The following ADAM29 variants were observed in gnomAD, a reference collection of about 807,000 sequenced individuals.
The protein encoded by ADAM29 is disintegrin and metalloproteinase domain-containing protein 29.
For synonymous variants in ADAM29, 367 were observed against 342.3 expected (o/e 1.07, Z -0.80); for missense variants, 969 against 1,001.8 (o/e 0.97, Z 0.44).
chr4:174,966,001 G>A (rs905030172), intron 4 of ADAM29, among the ~76,000 whole-genome samples: 5 of 152,104 alleles, frequency 3.3e-5, no homozygotes, highest in African/African-American at 7.2e-5. Flanking sequence ...AGGACCTCTC[G>A]CAGATACCAA....
chr4:174,955,355 A>G (rs1745441778), intron 4 of ADAM29, among the ~76,000 whole-genome samples: 1 of 152,076 alleles, frequency 6.6e-6, no homozygotes, highest in African/African-American at 2.4e-5. Flanking sequence ...AGAAGACATG[A>G]ATTAACAAAA....
chr4:174,941,561 C>A (rs1744536422), intron 4 of ADAM29, among the ~76,000 whole-genome samples: 1 of 152,066 alleles, frequency 6.6e-6, no homozygotes. Context: ...CAGTGCCACA[C>A]TTTTAACCAT....
rs1263427827 is a variant in ADAM29 at position 174,976,926 on chromosome 4, G to A, written c.1401G>A (p.Trp467Ter). ...TCAATGAATGTGATCTTCCAGAGTG[G>A]TGCAATGGTACTTCCCATAAGTGCC... is the stretch of plus-strand genomic sequence containing the variant. ...KEVNECDLPE[W>*]CNGTSHKCPD... The change falls in exon 5 of 5, where the codon TGG becomes TGA. Residue 467 changes from tryptophan (W) to a stop codon, truncating the protein, a stop_gained. Transcript: ENST00000359240. LOFTEE classifies it low-confidence loss of function (END_TRUNC). 1 of 1,614,010 alleles carries A rather than the reference G, an allele frequency of 6.2e-7. No individual in the cohort carries two copies. The highest frequency in any genetic ancestry group is 1.3e-5 in the African/African-American group (1 of 74,908).
chr4:174,961,427 A>G (rs1200883597), intron 4 of ADAM29, among the ~76,000 whole-genome samples: 1 of 151,916 alleles, frequency 6.6e-6, no homozygotes, highest in Non-Finnish European at 1.5e-5. Context: ...ATTATAAGGA[A>G]GTAAGAAGTA....
At chr4:174,953,217 C>T (rs1006068882) in intron 4 of ADAM29, among the ~76,000 whole-genome samples, 29 of 152,078 alleles carry the variant, frequency 1.9e-4, no homozygotes, top group Admixed American at 4.6e-4. Context: ...ACCCAGGAGG[C>T]GGAGCTTGCA....
chr4:174,965,136 G>C (rs1746072922), intron 4 of ADAM29, among the ~76,000 whole-genome samples: 1 of 152,098 alleles, frequency 6.6e-6, no homozygotes, highest in African/African-American at 2.4e-5. Flanking sequence ...AAAGAAAAGA[G>C]GTTTATTTGG....
At chr4:174,951,208 C>G (rs2111017742) in intron 4 of ADAM29, among the ~76,000 whole-genome samples, 1 of 152,310 alleles carries the variant, frequency 6.6e-6, no homozygotes, top group East Asian at 1.9e-4. Context: ...TGGCCAATGT[C>G]TCCACTCAAG....
rs1743119037 is a variant in ADAM29 at position 174,920,781 on chromosome 4, A to G, written c.-462A>G. ...ATTTCGAAAAGCTTCAGAGAAAATA[A>G]AGATGCTTAATGTAAGTATCTTTGC... is the stretch of plus-strand genomic sequence containing the variant. On this transcript the variant is annotated 5_prime_UTR_variant, in exon 2 of 5. It removes the in-frame stop codon of an upstream open reading frame in the 5' UTR. Coordinates refer to ENST00000359240, the MANE Select transcript of ADAM29 (RefSeq NM_014269.4). 2 of 152,178 alleles carry G rather than the reference A, an allele frequency of 1.3e-5. No homozygotes were observed. Among genetic ancestry groups the G allele is most frequent in the Admixed American group, 1.3e-4 (2 of 15,258 alleles). 9.4% of individuals were successfully genotyped at this position (152,178 alleles called of 1,614,324 possible).
chr4:174,974,711 T>C (rs1451099699), intron 4 of ADAM29, among the ~76,000 whole-genome samples: 1 of 152,194 alleles, frequency 6.6e-6, no homozygotes, highest in Non-Finnish European at 1.5e-5. Flanking sequence ...AACCAGGCAT[T>C]ATATGAGACA....
At chr4:174,922,153 G>T (rs1743198378) in intron 2 of ADAM29, among the ~76,000 whole-genome samples, 1 of 152,148 alleles carries the variant, frequency 6.6e-6, no homozygotes, top group Non-Finnish European at 1.5e-5. Flanking sequence ...ATAAAGGTCT[G>T]TCACCAGGAA....
At chr4:174,973,482 ATTG>A (rs1746582961) in intron 4 of ADAM29, among the ~76,000 whole-genome samples, 1 of 152,088 alleles carries the variant, frequency 6.6e-6, no homozygotes, top group South Asian at 2.1e-4. Context: ...ATTTGTTCAA[ATTG>A]TTGTTGAAAT....
chr4:174,955,704 A>C (rs2111037046), intron 4 of ADAM29, among the ~76,000 whole-genome samples: 1 of 152,142 alleles, frequency 6.6e-6, no homozygotes, highest in Non-Finnish European at 1.5e-5. Flanking sequence ...ACTTTTTGAA[A>C]AAAGATCAAA....
chr4:174,927,923 G>A (rs1204023087), intron 2 of ADAM29, among the ~76,000 whole-genome samples: 16 of 152,156 alleles, frequency 1.1e-4, no homozygotes, highest in Non-Finnish European at 2.9e-5. Context: ...TGATCCAAGG[G>A]AGACTTAATC....
At chr4:174,918,588 C>G (rs967600996) in intron 1 of ADAM29, 117 bp downstream of exon 1, 3 of 152,016 alleles carry the variant, frequency 2.0e-5, no homozygotes, top group Non-Finnish European at 2.9e-5. Flanking sequence ...TTAGGCTGAA[C>G]CTATCAGTTT....
At chr4:174,936,295 T>C (rs1744195600) in intron 3 of ADAM29, among the ~76,000 whole-genome samples, 1 of 152,006 alleles carries the variant, frequency 6.6e-6, no homozygotes, top group Admixed American at 6.6e-5. Context: ...TTCTTTACCA[T>C]GTAGAACAAA....
intron 4 of ADAM29, among the ~76,000 whole-genome samples, chr4:174,972,712 C>T (rs1234037625): frequency 6.6e-6 from 1 of 152,146 alleles, no homozygotes; most frequent in Admixed American, 6.5e-5. Context: ...TATTTTCTTC[C>T]CTGGTGGCTA....
intron 4 of ADAM29, among the ~76,000 whole-genome samples, chr4:174,960,807 C>A (rs1461826130): frequency 1.3e-5 from 2 of 152,108 alleles, no homozygotes; most frequent in African/African-American, 4.8e-5. Context: ...CCAGGCCAAA[C>A]CAAAATGGTG....
In ADAM29 at chr4:174,953,704, C is replaced by CT. The variant is rs529265072; in HGVS notation, c.-181+16699dup. ...AAAAATTGGTACATTATGACCCATG[C>CT]TTTTTTTTATTATTATTTTTTTCTG... is the stretch of plus-strand genomic sequence containing the variant. On this transcript the variant is annotated intron_variant, in intron 4 of 4. Transcript: ENST00000359240. Among the ~76,000 whole-genome samples the CT allele has an allele frequency of 2.0e-4, 30 of 151,890 alleles. 1 individual carries two copies. The South Asian group carries it at 5.8e-3, about 30-fold the overall frequency.
intron 3 of ADAM29, among the ~76,000 whole-genome samples, chr4:174,933,061 G>A (rs1743993416): frequency 6.6e-6 from 1 of 151,322 alleles, no homozygotes; most frequent in South Asian, 2.2e-4. Flanking sequence ...GGAACAGAAA[G>A]CAAACGGCTC....
Sources: gnomAD v4.1 joint callset for allele counts (sites outside exome capture counted in the v4.1 genomes callset) on GRCh38, gnomAD v4.1.1 for gene constraint, MANE v1.5 for transcripts, NCBI Gene and HGNC (gene_info 2026-07-23, HGNC 2026-07-21) for gene names.